SPART: variants seen among roughly 807,000 people sequenced by gnomAD.
The protein encoded by SPART is spastic paraplegia 20 (Troyer syndrome).
SPART carries 35 observed loss-of-function variants against 58.7 expected under a neutral mutation model. The ratio of observed to expected loss-of-function variants is 0.60; its 90% CI spans 0.46 to 0.79. The LOEUF (loss-of-function observed/expected upper bound fraction) is 0.79. SPART is among the 30% of genes least tolerant of loss of function. SPART has a pLI of 0.00. For missense variants in SPART, 730 were observed against 786.1 expected (o/e 0.93, Z 0.85); for synonymous variants, 284 against 280.7 (o/e 1.01, Z -0.12).
intron 1 of SPART, 25 bp from the exon 2 acceptor site, chr13:36,335,857 T>A (rs1424031527): frequency 1.3e-6 from 2 of 1,559,046 alleles, no homozygotes; most frequent in Non-Finnish European, 8.8e-7. Context: ...ACATATTTAA[T>A]TATCTTGCTT....
intron 1 of SPART, 23 bp from the exon 2 acceptor site, chr13:36,335,855 A>C: frequency 1.3e-6 from 2 of 1,570,802 alleles, no homozygotes; most frequent in Non-Finnish European, 8.7e-7. Flanking sequence ...AGACATATTT[A>C]ATTATCTTGC....
chr13:36,361,725 G>A (rs1374805883), intron 1 of SPART, among the ~76,000 whole-genome samples: 3 of 151,976 alleles, frequency 2.0e-5, no homozygotes, highest in Non-Finnish European at 4.4e-5. Context: ...TCATTCTGAT[G>A]GATAATTGAA....
chr13:36,318,915 G>C (rs1041609630), intron 5 of SPART, among the ~76,000 whole-genome samples: 1 of 152,170 alleles, frequency 6.6e-6, no homozygotes, highest in Non-Finnish European at 1.5e-5. Context: ...AGCGGCTGAA[G>C]ACTGACACTG....
intron 5 of SPART, among the ~76,000 whole-genome samples, chr13:36,317,985 G>C (rs1157430661): frequency 6.6e-6 from 1 of 152,106 alleles, no homozygotes; most frequent in East Asian, 1.9e-4. Context: ...TTCCTAGTCT[G>C]TGCCCAGTGC....
At chr13:36,331,326 C>T (rs1001209453) in intron 3 of SPART, 73 bp downstream of exon 3, 8 of 1,305,166 alleles carry the variant, frequency 6.1e-6, no homozygotes, top group Admixed American at 1.7e-5. Context: ...GAGGTTATTA[C>T]AATTTCTCTA....
At chr13:36,319,969 T>C (rs564403706) in intron 5 of SPART, among the ~76,000 whole-genome samples, 80 of 152,236 alleles carry the variant, frequency 5.3e-4, no homozygotes, top group African/African-American at 1.9e-3. Context: ...AACAACTCCT[T>C]TCCTTCCTAA....
intron 8 of SPART, among the ~76,000 whole-genome samples, chr13:36,310,460 T>G (rs1309677426): frequency 2.0e-5 from 3 of 152,154 alleles, no homozygotes; most frequent in Non-Finnish European, 4.4e-5. Context: ...TACTCTCACC[T>G]TCAATACCAC....
intron 5 of SPART, among the ~76,000 whole-genome samples, chr13:36,319,244 T>A (rs548074959): frequency 2.0e-5 from 3 of 151,638 alleles, no homozygotes; most frequent in African/African-American, 7.2e-5. Flanking sequence ...TCCCTGACTA[T>A]TCCTGGACTA....
At chr13:36,357,979 A>G (rs1593293366) in intron 1 of SPART, among the ~76,000 whole-genome samples, 1 of 152,168 alleles carries the variant, frequency 6.6e-6, no homozygotes, top group Non-Finnish European at 1.5e-5. Flanking sequence ...CAGCTCCAGG[A>G]CTCTCAGTTC....
intron 4 of SPART, 115 bp downstream of exon 4, chr13:36,329,247 A>C (rs1043676376): frequency 3.7e-5 from 41 of 1,121,536 alleles, no homozygotes; most frequent in Non-Finnish European, 5.6e-5. Context: ...CACTTTGTTG[A>C]CTAATGCACA....
At chr13:36,321,603 C>A (rs1882405666) in intron 5 of SPART, among the ~76,000 whole-genome samples, 1 of 152,120 alleles carries the variant, frequency 6.6e-6, no homozygotes, top group African/African-American at 2.4e-5. Context: ...GGTTCCCACG[C>A]CGCCCCTAAT....
intron 1 of SPART, among the ~76,000 whole-genome samples, chr13:36,337,148 T>C (rs919473731): frequency 2.0e-5 from 3 of 152,238 alleles, no homozygotes; most frequent in Admixed American, 2.0e-4. Flanking sequence ...CAGTCAACTA[T>C]GATCTGAAAA....
chr13:36,339,130 AAG>A (rs1397423432), intron 1 of SPART, among the ~76,000 whole-genome samples: 3 of 152,190 alleles, frequency 2.0e-5, no homozygotes, highest in Non-Finnish European at 4.4e-5. Context: ...CATAAAGAAA[AAG>A]AAAATATCGC....
intron 8 of SPART, 26 bp from the exon 9 acceptor site, chr13:36,304,658 A>G: frequency 6.2e-7 from 1 of 1,606,642 alleles, no homozygotes; most frequent in Non-Finnish European, 8.5e-7. Context: ...TAGAGGACAT[A>G]CAATGAAACA....
chr13:36,306,865 A>C (rs993859123), intron 8 of SPART, among the ~76,000 whole-genome samples: 1 of 152,196 alleles, frequency 6.6e-6, no homozygotes, highest in Non-Finnish European at 1.5e-5. Context: ...TCTCTTCTTT[A>C]TCTCAAAAAA....
At chr13:36,347,241 CAG>C (rs767463381), upstream of SPART, among the ~76,000 whole-genome samples, 2 of 152,022 alleles carry the variant, frequency 1.3e-5, no homozygotes, top group Non-Finnish European at 2.9e-5. Flanking sequence ...TGTTTTGAGA[CAG>C]AGTCTTACTA....
chr13:36,317,741 CTG>C (rs1406059442), intron 5 of SPART, among the ~76,000 whole-genome samples: 1 of 152,046 alleles, frequency 6.6e-6, no homozygotes, highest in Non-Finnish European at 1.5e-5. Context: ...CTCCCTTGGC[CTG>C]TGTTCTCAAA....
intron 2 of SPART, 96 bp from the exon 3 acceptor site, chr13:36,331,692 A>C: frequency 1.1e-6 from 1 of 913,246 alleles, no homozygotes; most frequent in Non-Finnish European, 1.7e-6. Flanking sequence ...CTAGAAAATA[A>C]ACACTTCAAA....
chr13:36,326,012 C>T (rs1882893745), intron 5 of SPART: 1 of 152,892 alleles, frequency 6.5e-6, no homozygotes, highest in East Asian at 1.9e-4. Context: ...GTGAGGGGCC[C>T]ACTTCCTGGT....
Sources: gnomAD v4.1 joint callset for allele counts (sites outside exome capture counted in the v4.1 genomes callset) on GRCh38, gnomAD v4.1.1 for gene constraint, MANE v1.5 for transcripts, NCBI Gene and HGNC (gene_info 2026-07-23, HGNC 2026-07-21) for gene names.